Variants in SYK observed in about 807,000 individuals in gnomAD.
The protein encoded by SYK is tyrosine-protein kinase SYK.
In SYK, 16 loss-of-function variants were observed where a neutral mutation model predicts 77.8. That is an observed-to-expected ratio of 0.21 (90% CI 0.14 to 0.31). The LOEUF (loss-of-function observed/expected upper bound fraction) is 0.31. Among genes scored for constraint, SYK ranks in the 10% least tolerant of loss-of-function variants. SYK has a pLI of 1.00. For synonymous variants in SYK, 312 were observed against 308.7 expected, an observed-to-expected ratio of 1.01 and a Z score of -0.11; for missense variants, 529 against 814.4, an observed-to-expected ratio of 0.65 and a Z score of 4.26.
chr9:90,855,011 T>TACATACAC (rs143329726), intron 3 of SYK, among the ~76,000 whole-genome samples: 5 of 143,312 alleles, frequency 3.5e-5, no homozygotes, highest in Non-Finnish European at 7.6e-5. Flanking sequence ...CACACATACA[T>TACATACAC]ACACACACAC....
At chr9:90,841,413 G>A (rs1287982477) in intron 1 of SYK, among the ~76,000 whole-genome samples, 1 of 144,884 alleles carries the variant, frequency 6.9e-6, no homozygotes. Flanking sequence ...TGTGCAGTGT[G>A]TGTAAGATGT....
intron 11 of SYK, among the ~76,000 whole-genome samples, chr9:90,882,045 A>G (rs1409723386): frequency 6.6e-6 from 1 of 152,270 alleles, no homozygotes; most frequent in East Asian, 1.9e-4. Flanking sequence ...TTAGGTAGAA[A>G]AATTAAAAAG....
intron 1 of SYK, chr9:90,827,598 A>C (rs1293111460): frequency 6.6e-6 from 1 of 152,210 alleles, no homozygotes; most frequent in African/African-American, 2.4e-5. Flanking sequence ...AATTTGTGGG[A>C]ATCAAGCATA....
intron 7 of SYK, among the ~76,000 whole-genome samples, chr9:90,872,483 G>A (rs1403386118): frequency 6.6e-6 from 1 of 152,174 alleles, no homozygotes; most frequent in Non-Finnish European, 1.5e-5. Context: ...ATTGGTTGCG[G>A]GAGAAAACTG....
intron 3 of SYK, among the ~76,000 whole-genome samples, chr9:90,849,204 G>A (rs894345674): frequency 2.6e-5 from 4 of 152,234 alleles, no homozygotes; most frequent in Non-Finnish European, 4.4e-5. Flanking sequence ...TCGGTTTGCT[G>A]TGGGGAGTTG....
Position 90,895,477 on chromosome 9 carries a change from C to A in SYK, c.1836-51C>A. Reference sequence around the variant, plus strand: ...CTGCAGAGGCCCTGCTTGTGATCAGCAATTTTTCACAAGCACATTGACAAA... The same window carrying A: ...CTGCAGAGGCCCTGCTTGTGATCAGAAATTTTTCACAAGCACATTGACAAA... On this transcript the variant is annotated intron_variant, in intron 13 of 13. Coordinates refer to ENST00000375754, the MANE Select transcript of SYK (RefSeq NM_003177.7). This position sits in a 1 kb window ranked among gnomAD's most constrained non-coding sequence, Gnocchi z 4.4. The A allele has an allele frequency of 1.9e-6, 3 of 1,593,600 alleles. No individual in the cohort carries two copies.
chr9:90,862,204 A>G lies in SYK; in HGVS notation c.579-2A>G. On this transcript the variant is annotated splice_acceptor_variant, in intron 3 of 13. Coordinates refer to ENST00000375754, the MANE Select transcript of SYK (RefSeq NM_003177.7). LOFTEE classifies it high-confidence loss of function. ...ATGATGCAGTTCCATCCTCTCTTCT[A>G]GGATCCGAGCCAGAGACAACAACGG... 1 of 1,609,376 alleles carries G rather than the reference A, an allele frequency of 6.2e-7. No individual in the cohort carries two copies. Among genetic ancestry groups the G allele is most frequent in the South Asian group, 1.1e-5 (1 of 90,494 alleles).
rs907730478 is a variant in SYK at position 90,864,803 on chromosome 9, A to G, written c.796+136A>G. 6 of 770,228 alleles carry G rather than the reference A, an allele frequency of 7.8e-6. No individual in the cohort carries two copies. The African/African-American group carries it at 1.1e-4, about 14-fold the overall frequency. 47.7% of individuals were successfully genotyped at this position (770,228 alleles called of 1,614,324 possible). A position where few individuals can be genotyped will look rare whatever the true frequency, so the allele number is the denominator to read the frequency against. ...GGTTGATTAATAATGATATCAGAGCACTCCGATTTTGTATATCGTGAATCA... is the reference window on the plus strand; with the variant it reads ...GGTTGATTAATAATGATATCAGAGCGCTCCGATTTTGTATATCGTGAATCA... On this transcript the variant is annotated intron_variant, in intron 5 of 13. Transcript: ENST00000375754.
intron 3 of SYK, among the ~76,000 whole-genome samples, chr9:90,858,291 G>A (rs974358765): frequency 4.6e-5 from 7 of 152,228 alleles, no homozygotes; most frequent in African/African-American, 1.7e-4. Flanking sequence ...TAGACATGCC[G>A]CAGGTCAAGG....
chr9:90,871,669 G>T (rs1043762290), intron 7 of SYK, among the ~76,000 whole-genome samples: 1 of 152,146 alleles, frequency 6.6e-6, no homozygotes, highest in African/African-American at 2.4e-5. Flanking sequence ...TGACTCAATA[G>T]GAAACCTCCC....
At chr9:90,885,415 T>C (rs1828525558) in intron 11 of SYK, among the ~76,000 whole-genome samples, 1 of 152,088 alleles carries the variant, frequency 6.6e-6, no homozygotes, top group African/African-American at 2.4e-5. Flanking sequence ...ACCAATAGAC[T>C]AGATCAGGCA....
At position 90,867,399 on chromosome 9, in the gene SYK, C is replaced by T. The variant is rs78683989; in HGVS notation, c.915+200C>T. Reference sequence around the variant, plus strand: ...ACATCATGTGCTTTTCATGTGGGTCCTCAGTCCGTCAGCTGGAAGTCCAAC... The same window carrying T: ...ACATCATGTGCTTTTCATGTGGGTCTTCAGTCCGTCAGCTGGAAGTCCAAC... On this transcript the variant is annotated intron_variant, in intron 7 of 13. Coordinates refer to ENST00000375754, the MANE Select transcript of SYK (RefSeq NM_003177.7). Among the ~76,000 whole-genome samples, 443 of 152,310 alleles carry T rather than the reference C, an allele frequency of 2.9e-3. 2 individuals are homozygous for T. Among genetic ancestry groups the T allele is most frequent in the African/African-American group, 0.011 (438 of 41,568 alleles).
intron 1 of SYK, among the ~76,000 whole-genome samples, chr9:90,812,368 C>T (rs290237): frequency 0.78 from 118,343 of 152,054 alleles, 46,484 homozygotes; most frequent in East Asian, 0.99. Flanking sequence ...CAATGAAGAG[C>T]GAGGCTTTGA....
chr9:90,889,685 T>A (rs1377853939), intron 13 of SYK, among the ~76,000 whole-genome samples: 2 of 152,258 alleles, frequency 1.3e-5, no homozygotes, highest in African/African-American at 4.8e-5. Context: ...GCTGCTGCCG[T>A]GGCTCAGGAG....
In SYK at chr9:90,874,113, G is replaced by A; in HGVS notation, c.916-91G>A. On this transcript the variant is annotated intron_variant, in intron 7 of 13. Transcript: ENST00000375754. ...TTGTCTTTCCTGCAAAAGTTAAACT[G>A]TGATTATTGGAAAATAAAAATAATT... The A allele has an allele frequency of 4.8e-6, 5 of 1,035,706 alleles. No homozygotes were observed. In the South Asian group the frequency reaches 7.2e-5, roughly 15 times the overall value. The allele number at this position is 1,035,706 out of a possible 1,614,324, so 64.2% of individuals were successfully genotyped here. A position where few individuals can be genotyped will look rare whatever the true frequency, so the allele number is the denominator to read the frequency against.
chr9:90,842,293 T>C (rs556067936), intron 1 of SYK, among the ~76,000 whole-genome samples: 65 of 150,150 alleles, frequency 4.3e-4, no homozygotes, highest in African/African-American at 1.6e-3. Flanking sequence ...GTGGCATGCA[T>C]GTAGTGTCCA....
chr9:90,838,723 T>C (rs1826178010), intron 1 of SYK, among the ~76,000 whole-genome samples: 1 of 152,106 alleles, frequency 6.6e-6, no homozygotes, highest in African/African-American at 2.4e-5. Flanking sequence ...AAAAAATAAC[T>C]GGGAATGTTG....
chr9:90,841,516 G>T (rs1161972829), intron 1 of SYK, among the ~76,000 whole-genome samples: 1 of 138,208 alleles, frequency 7.2e-6, no homozygotes, highest in Non-Finnish European at 1.5e-5. Flanking sequence ...TGTGTGGCAT[G>T]CATGTAGTGG....
At chr9:90,887,436 C>T (rs1564125222) in intron 11 of SYK, among the ~76,000 whole-genome samples, 1 of 135,946 alleles carries the variant, frequency 7.4e-6, no homozygotes, top group Non-Finnish European at 1.5e-5. Flanking sequence ...TGGAGTCTCT[C>T]GTTGTGTCAC....
Sources: allele counts gnomAD v4.1 joint callset (sites outside exome capture counted in the v4.1 genomes callset), GRCh38; gene constraint gnomAD v4.1.1; non-coding constraint Gnocchi (gnomAD v3.1); transcripts MANE v1.5; gene names NCBI Gene and HGNC (gene_info 2026-07-23, HGNC 2026-07-21).